RCHY1: variants seen among roughly 807,000 people sequenced by gnomAD.
RCHY1 encodes the protein ring finger and CHY zinc finger domain containing 1.
In RCHY1, 21 loss-of-function variants were observed where a neutral mutation model predicts 41.6. The observed-to-expected ratio is 0.51, with a 90% CI of 0.36 to 0.73. The LOEUF is 0.73. Among genes scored for constraint, RCHY1 ranks in the 30% least tolerant of loss-of-function variants. The pLI is 0.00. For synonymous variants in RCHY1, 79 were observed against 102.9 expected, an observed-to-expected ratio of 0.77 and a Z score of 1.41; for missense variants, 265 against 325.3, an observed-to-expected ratio of 0.81 and a Z score of 1.43.
At position 75,487,642 on chromosome 4, in the gene RCHY1, C is replaced by CAT. The variant is rs1325098280; in HGVS notation, c.657+2937_657+2938dup. On this transcript the variant is annotated intron_variant, in intron 8 of 8. Transcript: ENST00000324439. ...TATATATATTCATAATATATATATT[C>CAT]ATATATATTCATAATATATATATTC... is the stretch of plus-strand genomic sequence containing the variant. Among the ~76,000 whole-genome samples the CAT allele has an allele frequency of 4.5e-3, 40 of 8,864 alleles. 1 individual carries two copies. Among genetic ancestry groups the CAT allele is most frequent in the Admixed American group, 5.6e-3 (3 of 536 alleles). 5.8% of individuals were successfully genotyped at this position (8,864 alleles called of 152,430 possible).
rs764924377 is a variant in RCHY1 at position 75,508,868 on chromosome 4, A to G, written c.278T>C (p.Phe93Ser). The change falls in exon 3 of 9, where the codon TTT becomes TCT. Residue 93 changes from phenylalanine (F) to serine (S), a missense_variant. By Grantham distance (155) the Phe-to-Ser change is radical. Transcript: ENST00000324439. Reference protein sequence around the residue: ...GEYYCDICHLFDKDKKQYHCE... With the variant: ...GEYYCDICHLSDKDKKQYHCE... ...GTGATACTGCTTCTTATCTTTGTCA[A>G]ACAAATGGCATATATCGCAATAATA... 3 of 1,612,018 alleles carry G rather than the reference A, an allele frequency of 1.9e-6. No individual in the cohort carries two copies. Among genetic ancestry groups the G allele is most frequent in the Non-Finnish European group, 2.5e-6 (3 of 1,179,072 alleles).
At chr4:75,492,111 C>T (rs1578214744) in intron 4 of RCHY1, among the ~76,000 whole-genome samples, 178 bp from the exon 5 acceptor site, 2 of 151,862 alleles carry the variant, frequency 1.3e-5, no homozygotes, top group Non-Finnish European at 2.9e-5. Context: ...CACACTATTT[C>T]AGGCTTGGCA....
Position 75,514,081 on chromosome 4 carries a change from G to A in RCHY1, c.90+116C>T, listed in dbSNP as rs191488359. On this transcript the variant is annotated intron_variant, in intron 1 of 8. Coordinates refer to ENST00000324439, the MANE Select transcript of RCHY1 (RefSeq NM_015436.4). ...GAAGAACCCAGTTCCAGGTGGAAAA[G>A]GTATCCTGAAAATCAGGTTAACCTC... The A allele has an allele frequency of 3.8e-4, 562 of 1,482,382 alleles. 1 individual carries two copies. The highest frequency in any genetic ancestry group is 5.0e-4 in the Non-Finnish European group (549 of 1,099,160). The allele number at this position is 1,482,382 out of a possible 1,614,324, so 91.8% of individuals were successfully genotyped here.
intron 4 of RCHY1, among the ~76,000 whole-genome samples, 180 bp from the exon 5 acceptor site, chr4:75,492,113 G>A (rs908460453): frequency 6.6e-6 from 1 of 151,680 alleles, no homozygotes; most frequent in East Asian, 1.9e-4. Context: ...CACTATTTCA[G>A]GCTTGGCATA....
At chr4:75,500,758 TAATGAACTAAAAGC>T in intron 3 of RCHY1, among the ~76,000 whole-genome samples, 1 of 152,290 alleles carries the variant, frequency 6.6e-6, no homozygotes, top group African/African-American at 2.4e-5. Context: ...TAGATTTATT[TAATGAACTAAAAGC>T]AATGACAAAC....
chr4:75,487,406 G>A (rs1271560264), intron 8 of RCHY1, among the ~76,000 whole-genome samples: 3 of 145,638 alleles, frequency 2.1e-5, no homozygotes, highest in East Asian at 4.0e-4. Flanking sequence ...TTTAAAACCT[G>A]TTAATTCTCA....
intron 8 of RCHY1, among the ~76,000 whole-genome samples, chr4:75,487,632 T>TATTCATA (rs1560512884): frequency 0.19 from 2,550 of 13,440 alleles, 401 homozygotes; most frequent in Non-Finnish European, 0.23. Flanking sequence ...ATATTCATAA[T>TATTCATA]ATATATATTC....
At chr4:75,498,096 A>C (rs1723389691) in intron 3 of RCHY1, among the ~76,000 whole-genome samples, 1 of 151,202 alleles carries the variant, frequency 6.6e-6, no homozygotes, top group Non-Finnish European at 1.5e-5. Flanking sequence ...GAAAAGATAA[A>C]ATCAAAAAAA....
At chr4:75,500,326 T>C (rs568041049) in intron 3 of RCHY1, among the ~76,000 whole-genome samples, 24 of 152,318 alleles carry the variant, frequency 1.6e-4, no homozygotes, top group African/African-American at 5.8e-4. Flanking sequence ...GCTCTGGTGC[T>C]TATTTAATAA....
At chr4:75,509,788 AT>A (rs1210907791) in intron 1 of RCHY1, 4 of 175,746 alleles carry the variant, frequency 2.3e-5, no homozygotes, top group Non-Finnish European at 3.5e-5. Flanking sequence ...CTCATTTTCT[AT>A]TGCCACCACC....
intron 3 of RCHY1, among the ~76,000 whole-genome samples, chr4:75,495,346 G>C (rs765995631): frequency 1.7e-4 from 26 of 151,772 alleles, no homozygotes; most frequent in Non-Finnish European, 2.8e-4. Context: ...TAATCCATTT[G>C]AAATTTGCTA....
At chr4:75,504,187 G>T (rs1326000825) in intron 3 of RCHY1, among the ~76,000 whole-genome samples, 1 of 152,162 alleles carries the variant, frequency 6.6e-6, no homozygotes, top group East Asian at 1.9e-4. Context: ...TATTAGAAAT[G>T]TATCTAAAAT....
chr4:75,489,964 G>T (rs1722601724), intron 8 of RCHY1, among the ~76,000 whole-genome samples: 2 of 152,122 alleles, frequency 1.3e-5, no homozygotes, highest in Non-Finnish European at 2.9e-5. Flanking sequence ...AAGTTAACCA[G>T]GAAAGTTTCT....
intron 3 of RCHY1, among the ~76,000 whole-genome samples, chr4:75,495,914 C>A (rs1021396609): frequency 5.3e-5 from 8 of 151,752 alleles, no homozygotes; most frequent in African/African-American, 1.9e-4. Context: ...TACACACACA[C>A]ATATTTATCT....
At chr4:75,485,519 G>A (rs1721923221) in intron 8 of RCHY1, among the ~76,000 whole-genome samples, 1 of 152,052 alleles carries the variant, frequency 6.6e-6, no homozygotes, top group Non-Finnish European at 1.5e-5. Context: ...AAGGTGACTG[G>A]CCATCTTGTC....
In RCHY1 at chr4:75,495,810, G is replaced by T. The variant is rs559881582; in HGVS notation, c.327-1631C>A. On this transcript the variant is annotated intron_variant, in intron 3 of 8. Transcript: ENST00000324439. The stretch of plus-strand genomic sequence containing the variant: ...TTTGAAGAGTCAATTTTTGGTTTCC[G>T]AATGGATAATCAATTATCTTAATAC... 2.2e-4 allele frequency among the ~76,000 whole-genome samples: 33 copies of T among 152,058 alleles called. 1 individual carries two copies. The highest frequency in any genetic ancestry group is 4.7e-4 in the Non-Finnish European group (32 of 67,916).
In RCHY1 at chr4:75,509,412, T is replaced by C. The variant is rs1487822155; in HGVS notation, c.91-116A>G. The C allele has an allele frequency of 5.7e-6, 5 of 872,644 alleles. No individual in the cohort carries two copies. The Admixed American group carries it at 8.2e-5, about 14-fold the overall frequency. 54.1% of individuals were successfully genotyped at this position (872,644 alleles called of 1,614,324 possible). On this transcript the variant is annotated intron_variant, in intron 1 of 8. Transcript: ENST00000324439. ...GATGGAACTGAAAGATTACAACCAA[T>C]AGATCAGTTGCTAAACTGATCCTAA...
At position 75,491,743 on chromosome 4, in the gene RCHY1, A is replaced by G. The variant is rs1409961419; in HGVS notation, c.490T>C (p.Cys164Arg). 3 of 1,612,856 alleles carry G rather than the reference A, an allele frequency of 1.9e-6. No homozygotes were observed. The highest frequency in any genetic ancestry group is 2.7e-5 in the African/African-American group (2 of 74,874). The change falls in exon 6 of 9, where the codon TGT (cysteine) becomes CGT (arginine). Residue 164 changes from cysteine to arginine, a missense_variant. Transcript: ENST00000324439. ...CTTTACCTATGTAAAAGATGTCCACATGGCAAGACATGAGCAACAACACGG... is the reference window on the plus strand; with the variant it reads ...CTTTACCTATGTAAAAGATGTCCACGTGGCAAGACATGAGCAACAACACGG... ...TSRVVAHVLP[C>R]GHLLHRTCYE...
intron 4 of RCHY1, among the ~76,000 whole-genome samples, chr4:75,493,291 A>G (rs893744634): frequency 1.3e-5 from 2 of 151,822 alleles, no homozygotes; most frequent in African/African-American, 2.4e-5. Context: ...CCATTACCAC[A>G]TCATATATGT....
Sources: gnomAD v4.1 joint callset for allele counts (sites outside exome capture counted in the v4.1 genomes callset) on GRCh38, gnomAD v4.1.1 for gene constraint, MANE v1.5 for transcripts, NCBI Gene and HGNC (gene_info 2026-07-23, HGNC 2026-07-21) for gene names.